Variants in UFD1 observed in about 807,000 individuals in gnomAD.
UFD1 encodes the protein ubiquitin recognition factor in ER associated degradation 1.
A neutral mutation model predicts 45.9 loss-of-function variants in UFD1; 13 were observed. The ratio of observed to expected loss-of-function variants is 0.28; its 90% CI spans 0.18 to 0.45. The LOEUF (loss-of-function observed/expected upper bound fraction) is 0.45, where lower values mean the gene tolerates loss of function less well. Among genes scored for constraint, UFD1 ranks in the 20% least tolerant of loss-of-function variants. The probability of loss-of-function intolerance (pLI) is 1.00; values close to 1 mark genes in which losing one functional copy is unlikely to be tolerated. For synonymous variants in UFD1, 128 were observed against 139.2 expected (o/e 0.92, Z 0.56); for missense variants, 218 against 389.2 (o/e 0.56, Z 3.70).
intron 9 of UFD1, 96 bp from the exon 10 acceptor site, chr22:19,455,864 C>T: frequency 1.8e-6 from 2 of 1,129,950 alleles, no homozygotes; most frequent in African/African-American, 1.5e-5. Context: ...GCTGGGGGTG[C>T]TGTGCAGACC....
intron 1 of UFD1, among the ~76,000 whole-genome samples, chr22:19,478,442 C>A (rs1016007568): frequency 1.3e-5 from 2 of 152,196 alleles, no homozygotes; most frequent in African/African-American, 4.8e-5. Flanking sequence ...CCTCTGTAAA[C>A]GTTAGTTTTC....
intron 5 of UFD1, 70 bp from the exon 6 acceptor site, chr22:19,465,344 G>C (rs2089794665): frequency 7.5e-7 from 1 of 1,332,844 alleles, no homozygotes; most frequent in South Asian, 1.2e-5. Flanking sequence ...TTCCATGTTA[G>C]ATGATTACTG....
intron 6 of UFD1, 169 bp downstream of exon 6, chr22:19,465,033 G>C (rs1026503751): frequency 3.2e-6 from 2 of 629,776 alleles, no homozygotes; most frequent in Admixed American, 2.8e-5. Context: ...GTTACCAAAT[G>C]AATTAGGGCT....
At chr22:19,462,691 A>T (rs566100566) in intron 6 of UFD1, among the ~76,000 whole-genome samples, 1 of 152,294 alleles carries the variant, frequency 6.6e-6, no homozygotes, top group African/African-American at 2.4e-5. Context: ...GAGTAAGTCT[A>T]AAGACTTACT....
chr22:19,450,991 G>T, intron 11 of UFD1: 1 of 1,145,616 alleles, frequency 8.7e-7, no homozygotes, highest in East Asian at 4.0e-5. Context: ...GCTCAGTGTG[G>T]TATGTGCCTA....
chr22:19,478,767 G>C, intron 1 of UFD1: 2 of 440,224 alleles, frequency 4.5e-6, no homozygotes, highest in Non-Finnish European at 8.0e-6. Flanking sequence ...ACTAACTTTG[G>C]GTTTATGGAA....
intron 6 of UFD1, among the ~76,000 whole-genome samples, chr22:19,460,400 G>C (rs898472672): frequency 5.3e-5 from 8 of 152,192 alleles, no homozygotes; most frequent in Non-Finnish European, 1.2e-4. Context: ...CAGTACCCTA[G>C]AAGTACTATT....
intron 6 of UFD1, among the ~76,000 whole-genome samples, chr22:19,461,819 T>C (rs928000753): frequency 6.6e-6 from 1 of 152,174 alleles, no homozygotes; most frequent in African/African-American, 2.4e-5. Flanking sequence ...CTGTTTGTTT[T>C]TTTTTTTCTT....
Position 19,479,172 on chromosome 22 carries a change from T to C in UFD1, c.-87A>G, listed in dbSNP as rs963407580. ...CCGCTCTCCCAGCCGCCGCTGCCGC[T>C]GCCGCCGCGCCAAGCCGGTACGCCC... On this transcript the variant is annotated 5_prime_UTR_variant, in exon 1 of 12. Transcript: ENST00000263202. The C allele has an allele frequency of 1.0e-5, 16 of 1,572,076 alleles. No homozygotes were observed. The highest frequency in any genetic ancestry group is 2.7e-5 in the African/African-American group (2 of 73,622).
intron 6 of UFD1, 78 bp from the exon 7 acceptor site, chr22:19,458,217 C>CT: frequency 2.0e-6 from 3 of 1,487,656 alleles, no homozygotes; most frequent in Non-Finnish European, 2.8e-6. Context: ...TACTGTGGCT[C>CT]TACTGGCTCC....
chr22:19,467,161 T>C (rs1037923220), intron 5 of UFD1: 1 of 151,392 alleles, frequency 6.6e-6, no homozygotes, highest in Non-Finnish European at 1.5e-5. Context: ...TGTTTGACTG[T>C]TTGTTTTTTT....
chr22:19,476,656 C>T (rs1354587307), intron 1 of UFD1, among the ~76,000 whole-genome samples: 2 of 147,636 alleles, frequency 1.4e-5, no homozygotes, highest in African/African-American at 2.5e-5. Context: ...GAAATCTATA[C>T]ATACTATGTT....
intron 1 of UFD1, among the ~76,000 whole-genome samples, chr22:19,478,119 C>G (rs1412982616): frequency 1.3e-5 from 2 of 152,148 alleles, no homozygotes; most frequent in African/African-American, 4.8e-5. Context: ...ACTTAACAAC[C>G]TGCCTGCAGT....
chr22:19,450,655 G>A lies in UFD1; in HGVS notation c.*15C>T, dbSNP rs370651299. On this transcript the variant is annotated 3_prime_UTR_variant, in exon 12 of 12. Transcript: ENST00000263202. ...TGATTCTTTTATTATTTTCCAATCAGCCAACAGTCCTCACTTAGGGCTTTC... is the reference window on the plus strand; with the variant it reads ...TGATTCTTTTATTATTTTCCAATCAACCAACAGTCCTCACTTAGGGCTTTC... 3 of 1,613,830 alleles carry A rather than the reference G, an allele frequency of 1.9e-6. No homozygotes were observed. Among genetic ancestry groups the A allele is most frequent in the Non-Finnish European group, 2.5e-6 (3 of 1,179,928 alleles).
chr22:19,460,089 TA>T (rs113267791), intron 6 of UFD1, among the ~76,000 whole-genome samples: 10 of 148,680 alleles, frequency 6.7e-5, no homozygotes, highest in Non-Finnish European at 9.0e-5. Flanking sequence ...TCCCACCATT[TA>T]AAAAAAAAAC....
chr22:19,478,998 C>G, intron 1 of UFD1, 85 bp downstream of exon 1: 1 of 1,503,472 alleles, frequency 6.7e-7, no homozygotes, highest in Non-Finnish European at 8.9e-7. Flanking sequence ...CCTCCGCCGC[C>G]GTCCCGCCCC....
Position 19,479,078 on chromosome 22 carries a change from C to A in UFD1, c.3+5G>T. ...AGCCCCCGCCCGCTGCCCGTCAGCGCTTACCATGATGGACACCACCTGGCA... is the reference window on the plus strand; with the variant it reads ...AGCCCCCGCCCGCTGCCCGTCAGCGATTACCATGATGGACACCACCTGGCA... On this transcript the variant is annotated splice_donor_5th_base_variant and intron_variant, in intron 1 of 11. Transcript: ENST00000263202. 6.2e-7 allele frequency: 1 copy of A among 1,611,654 alleles called. No homozygotes were observed. Among genetic ancestry groups the A allele is most frequent in the Non-Finnish European group, 8.5e-7 (1 of 1,179,390 alleles).
chr22:19,475,625 A>G lies in UFD1; in HGVS notation c.4-23T>C, dbSNP rs1406995513. 8 of 1,613,796 alleles carry G rather than the reference A, an allele frequency of 5.0e-6. No individual in the cohort carries two copies. In the East Asian group the frequency reaches 1.8e-4, roughly 36 times the overall value. Reference sequence around the variant, plus strand: ...GAACTAGAAGGAGGAAAGAGAAACAAGTATTAAAACAAAGGTACATTTCTT... The same window carrying G: ...GAACTAGAAGGAGGAAAGAGAAACAGGTATTAAAACAAAGGTACATTTCTT... On this transcript the variant is annotated intron_variant, in intron 1 of 11. Transcript: ENST00000263202.
chr22:19,471,555 G>C lies in UFD1; in HGVS notation c.291+132C>G, dbSNP rs2089845685. The C allele has an allele frequency of 9.7e-6, 13 of 1,343,162 alleles. No individual in the cohort carries two copies. In the East Asian group the frequency reaches 3.1e-4, roughly 32 times the overall value. The allele number at this position is 1,343,162 out of a possible 1,614,324, so 83.2% of individuals were successfully genotyped here. A position where few individuals can be genotyped will look rare whatever the true frequency, so the allele number is the denominator to read the frequency against. The stretch of plus-strand genomic sequence containing the variant: ...TGCTCTGGATCCCTTCTCTCTCGCT[G>C]GGTCGGCTCAGGCTAAGACGCTGAG... On this transcript the variant is annotated intron_variant, in intron 4 of 11. Coordinates refer to ENST00000263202, the MANE Select transcript of UFD1 (RefSeq NM_005659.7).
Sources: allele counts gnomAD v4.1 joint callset (sites outside exome capture counted in the v4.1 genomes callset), GRCh38; gene constraint gnomAD v4.1.1; transcripts MANE v1.5; gene names NCBI Gene and HGNC (gene_info 2026-07-23, HGNC 2026-07-21).